NTM: variants seen among roughly 807,000 people sequenced by gnomAD.
NTM encodes IgLON family member 2.
NTM carries 13 observed loss-of-function variants against 42.1 expected under a neutral mutation model. The ratio of observed to expected loss-of-function variants is 0.31; its 90% confidence interval spans 0.20 to 0.49. The LOEUF is 0.49. NTM is among the 20% of genes least tolerant of loss of function. NTM has a pLI of 0.99. For synonymous variants in NTM, 187 were observed against 179.2 expected (o/e 1.04, Z -0.35); for missense variants, 373 against 452.8 (o/e 0.82, Z 1.60).
intron 1 of NTM, among the ~76,000 whole-genome samples, chr11:131,730,238 CAATT>C (rs1244842163): frequency 6.6e-6 from 1 of 152,084 alleles, no homozygotes; most frequent in Non-Finnish European, 1.5e-5. Flanking sequence ...ATATCTTTAG[CAATT>C]AATTTTAATA....
chr11:132,335,049 C>G lies in NTM; in HGVS notation c.971C>G (p.Pro324Arg), dbSNP rs770836056. Residue 324 changes from proline to arginine, a missense_variant, in exon 9 of 9, where the codon CCA (proline) becomes CGA (arginine). By Grantham distance (103) the Pro-to-Arg change is moderately radical (BLOSUM62 -2). This residue lies in a region of NTM where 312 missense variants were observed against 353.5 expected (regional missense o/e 0.88). Transcript: ENST00000683400. Reference protein sequence around the residue: ...KTTALTPWKGPGAVSEVSNGT... With the variant: ...KTTALTPWKGRGAVSEVSNGT... ...GGCGAGTGTGTTCTCTCCACAGGTCCAGGCGCCGTCAGCGAGGTGAGCAAC... is the reference window on the plus strand; with the variant it reads ...GGCGAGTGTGTTCTCTCCACAGGTCGAGGCGCCGTCAGCGAGGTGAGCAAC... 24 of 1,611,940 alleles carry G rather than the reference C, an allele frequency of 1.5e-5. No homozygotes were observed. Among genetic ancestry groups the G allele is most frequent in the Middle Eastern group, 1.6e-4 (1 of 6,082 alleles).
At chr11:132,014,303 G>C (rs902604272) in intron 2 of NTM, among the ~76,000 whole-genome samples, 2 of 152,090 alleles carry the variant, frequency 1.3e-5, no homozygotes, top group Admixed American at 6.6e-5. Flanking sequence ...TCGATGGACA[G>C]TTAGGTTGGT....
intron 1 of NTM, among the ~76,000 whole-genome samples, chr11:131,754,895 C>T (rs564218233): frequency 4.6e-5 from 7 of 152,294 alleles, no homozygotes; most frequent in African/African-American, 1.4e-4. Context: ...TGTAGATGAA[C>T]TCACACCATC....
intron 1 of NTM, among the ~76,000 whole-genome samples, chr11:131,583,170 T>C (rs1375313267): frequency 6.6e-6 from 1 of 152,178 alleles, no homozygotes; most frequent in African/African-American, 2.4e-5. Context: ...ATGTTCCATG[T>C]TCTTCCAATT....
intron 2 of NTM, among the ~76,000 whole-genome samples, chr11:131,942,394 G>T (rs565600102): frequency 2.0e-5 from 3 of 152,152 alleles, no homozygotes; most frequent in Non-Finnish European, 2.9e-5. Context: ...ATGCAAGTGG[G>T]CAGAGGAGAG....
At chr11:131,983,667 C>A (rs867778224) in intron 2 of NTM, among the ~76,000 whole-genome samples, 1 of 152,142 alleles carries the variant, frequency 6.6e-6, no homozygotes, top group African/African-American at 2.4e-5. Context: ...TGAGCCACCA[C>A]GACTGGCTAT....
At chr11:131,770,278 A>G (rs1484320543) in intron 1 of NTM, among the ~76,000 whole-genome samples, 1 of 152,214 alleles carries the variant, frequency 6.6e-6, no homozygotes, top group Non-Finnish European at 1.5e-5. Flanking sequence ...TTCTCCTTTT[A>G]CAAAAAAGGT....
intron 1 of NTM, among the ~76,000 whole-genome samples, chr11:131,487,105 G>A (rs780762192): frequency 1.3e-5 from 2 of 152,214 alleles, no homozygotes; most frequent in Non-Finnish European, 2.9e-5. Context: ...CCACCACCAG[G>A]AGGGCCTGTC....
chr11:132,249,387 C>A (rs949972304), intron 4 of NTM, among the ~76,000 whole-genome samples: 1 of 152,132 alleles, frequency 6.6e-6, no homozygotes, highest in African/African-American at 2.4e-5. Flanking sequence ...AGAAAGAACT[C>A]CCTGGAGAAG....
At chr11:131,523,611 A>T (rs929919772) in intron 1 of NTM, among the ~76,000 whole-genome samples, 1 of 151,926 alleles carries the variant, frequency 6.6e-6, no homozygotes, top group Non-Finnish European at 1.5e-5. Flanking sequence ...CAACATGGTG[A>T]AAACCCCATC....
intron 3 of NTM, among the ~76,000 whole-genome samples, chr11:132,203,825 G>C (rs1484397571): frequency 2.6e-5 from 4 of 152,092 alleles, no homozygotes; most frequent in Non-Finnish European, 4.4e-5. Context: ...CATGAACCTG[G>C]GAGGTGGAGC....
intron 1 of NTM, among the ~76,000 whole-genome samples, chr11:131,803,778 G>A (rs558718284): frequency 6.6e-6 from 1 of 152,258 alleles, no homozygotes; most frequent in South Asian, 2.1e-4. Flanking sequence ...CCTGGCCTCT[G>A]CCCCTTGTGG....
chr11:132,176,733 T>TG (rs1471323379), intron 3 of NTM, among the ~76,000 whole-genome samples: 1 of 142,148 alleles, frequency 7.0e-6, no homozygotes, highest in Non-Finnish European at 1.5e-5. Context: ...TTTTTTTTTT[T>TG]TTTTTTTTTT....
At chr11:132,074,521 C>G (rs2058108877) in intron 2 of NTM, among the ~76,000 whole-genome samples, 1 of 150,300 alleles carries the variant, frequency 6.7e-6, no homozygotes, top group Non-Finnish European at 1.5e-5. Flanking sequence ...CAGTTAGCTG[C>G]TTGTTGATTT....
At chr11:131,665,727 A>G (rs2068929907) in intron 1 of NTM, among the ~76,000 whole-genome samples, 1 of 152,202 alleles carries the variant, frequency 6.6e-6, no homozygotes, top group South Asian at 2.1e-4. Context: ...CACAAAATGC[A>G]TTCATCTAGA....
chr11:132,275,702 G>GTATA (rs530250021), intron 4 of NTM, among the ~76,000 whole-genome samples: 1 of 72,034 alleles, frequency 1.4e-5, no homozygotes, highest in African/African-American at 4.8e-5. Context: ...ATATATATAT[G>GTATA]TATATATATA....
intron 1 of NTM, chr11:131,795,665 T>C: frequency 1.0e-6 from 1 of 985,412 alleles, no homozygotes; most frequent in Non-Finnish European, 1.2e-6. Context: ...CCAGTGCCCA[T>C]AAGTTCAGGG....
intron 1 of NTM, among the ~76,000 whole-genome samples, chr11:131,844,975 C>T (rs1414885428): frequency 1.3e-5 from 2 of 152,074 alleles, no homozygotes; most frequent in African/African-American, 2.4e-5. Context: ...TGACTCTGAC[C>T]TCCAACTCAC....
chr11:131,681,709 A>G (rs56365785), intron 1 of NTM, among the ~76,000 whole-genome samples: 32 of 28,100 alleles, frequency 1.1e-3, no homozygotes, highest in East Asian at 1.8e-3. Flanking sequence ...CTGTGTGTGT[A>G]TCTCCCTGTG....
Sources: allele counts gnomAD v4.1 joint callset (sites outside exome capture counted in the v4.1 genomes callset), GRCh38; gene constraint gnomAD v4.1.1; regional missense constraint gnomAD v4.1.1; transcripts MANE v1.5; gene names NCBI Gene and HGNC (gene_info 2026-07-23, HGNC 2026-07-21).